PREX1: variants seen among roughly 807,000 people sequenced by gnomAD.
The protein encoded by PREX1 is phosphatidylinositol 3,4,5-trisphosphate-dependent Rac exchanger 1 protein.
PREX1 carries 41 observed loss-of-function variants against 198.3 expected under a neutral mutation model. The ratio of observed to expected loss-of-function variants is 0.21; its 90% CI spans 0.16 to 0.27. The LOEUF (loss-of-function observed/expected upper bound fraction) is 0.27, where lower values mean the gene tolerates loss of function less well. PREX1 is among the 10% of genes least tolerant of loss of function. PREX1 has a pLI of 1.00. For synonymous variants in PREX1, 843 were observed against 887.2 expected (o/e 0.95, Z 0.89); for missense variants, 1,620 against 2,200.7 (o/e 0.74, Z 5.28).
At chr20:48,700,728 C>T (rs771479716) in intron 7 of PREX1, 25 bp downstream of exon 7, 3 of 1,611,882 alleles carry the variant, frequency 1.9e-6, no homozygotes, top group South Asian at 2.2e-5. Flanking sequence ...AGGCCAGACC[C>T]CATCCCAGCC....
chr20:48,801,151 T>C (rs1368736286), intron 1 of PREX1, among the ~76,000 whole-genome samples: 1 of 152,216 alleles, frequency 6.6e-6, no homozygotes, highest in Non-Finnish European at 1.5e-5. Context: ...GTCTAGCTCG[T>C]GTGAAGAACC....
intron 33 of PREX1, among the ~76,000 whole-genome samples, chr20:48,634,250 G>A (rs1417182544): frequency 1.3e-5 from 2 of 151,918 alleles, no homozygotes; most frequent in African/African-American, 2.4e-5. Flanking sequence ...TAGACACAGA[G>A]AGAAAGACAG....
rs1186288507 is a variant in PREX1, at chr20:48,650,898, T to C, written c.2813A>G (p.Gln938Arg). 1 of 1,614,164 alleles carries C rather than the reference T, an allele frequency of 6.2e-7. No homozygotes were observed. Among genetic ancestry groups the C allele is most frequent in the South Asian group, 1.1e-5 (1 of 91,086 alleles). The change falls in exon 23 of 40, where the codon CAG (glutamine) becomes CGG (arginine). Residue 938 changes from glutamine to arginine, a missense_variant. Transcript: ENST00000371941. Reference sequence around the variant, plus strand: ...CCGGAGGGAGCACGCAGGCACCTCCTGGTAGCAGGCAATCCTCTGGCCAAT... The same window carrying C: ...CCGGAGGGAGCACGCAGGCACCTCCCGGTAGCAGGCAATCCTCTGGCCAAT... ...ESIGQRIACY[Q>R]EFAAQLKSRV...
chr20:48,683,004 G>C (rs1331028568), intron 10 of PREX1, among the ~76,000 whole-genome samples: 1 of 152,188 alleles, frequency 6.6e-6, no homozygotes, highest in Non-Finnish European at 1.5e-5. Context: ...AGAATGCCCT[G>C]GCTGGAGGCA....
At chr20:48,637,779 G>T (rs1419504164) in intron 30 of PREX1, 27 bp from the exon 31 acceptor site, 3 of 1,601,276 alleles carry the variant, frequency 1.9e-6, no homozygotes, top group Non-Finnish European at 2.6e-6. Flanking sequence ...GACAGAAAGG[G>T]GGACGGGCTG....
chr20:48,715,604 T>C (rs2089958543), intron 5 of PREX1, among the ~76,000 whole-genome samples: 1 of 152,156 alleles, frequency 6.6e-6, no homozygotes, highest in Non-Finnish European at 1.5e-5. Context: ...ACTCACCCCC[T>C]AAGGCTAATG....
intron 1 of PREX1, among the ~76,000 whole-genome samples, chr20:48,786,434 C>G (rs6125470): frequency 3.3e-5 from 5 of 151,324 alleles, no homozygotes; most frequent in South Asian, 2.1e-4. Context: ...GGCGGGGAAA[C>G]GGGATAGGGT....
chr20:48,765,795 C>T (rs576660063), intron 1 of PREX1, among the ~76,000 whole-genome samples: 32 of 152,306 alleles, frequency 2.1e-4, no homozygotes, highest in East Asian at 1.2e-3. Context: ...CCTAAATCAG[C>T]GTCCCCAATC....
upstream of PREX1, among the ~76,000 whole-genome samples, chr20:48,828,382 C>G (rs905557284): frequency 6.6e-6 from 1 of 152,136 alleles, no homozygotes; most frequent in African/African-American, 2.4e-5. Flanking sequence ...CGACACCCGC[C>G]GCGCGCAGGC....
chr20:48,708,215 C>G (rs1009961200), intron 6 of PREX1, 45 bp downstream of exon 6: 10 of 1,602,700 alleles, frequency 6.2e-6, no homozygotes, highest in Non-Finnish European at 8.5e-6. Flanking sequence ...TGTGCACCTC[C>G]TGGCCCCCTG....
intron 25 of PREX1, 131 bp downstream of exon 25, chr20:48,649,169 G>A: frequency 7.6e-7 from 1 of 1,308,698 alleles, no homozygotes; most frequent in Non-Finnish European, 1.0e-6. Flanking sequence ...AAAAGATACT[G>A]CTAAATAGCC....
chr20:48,883,397 G>A, the PREX1 span, among the ~76,000 whole-genome samples: 5,351 of 152,124 alleles, frequency 0.035, 177 homozygotes, highest in African/African-American at 0.079. Context: ...GGACATTCTA[G>A]CCAGGGCAAT....
chr20:48,805,903 G>A (rs539337513), intron 1 of PREX1, among the ~76,000 whole-genome samples: 2 of 152,198 alleles, frequency 1.3e-5, no homozygotes, highest in African/African-American at 4.8e-5. Flanking sequence ...GGCAAATACA[G>A]AAACACTTCC....
intron 4 of PREX1, among the ~76,000 whole-genome samples, chr20:48,729,941 T>C (rs1212787704): frequency 6.6e-6 from 1 of 152,082 alleles, no homozygotes; most frequent in Non-Finnish European, 1.5e-5. Context: ...CATGTCCTTA[T>C]GAGGGGAGAA....
At chr20:48,680,412 C>G (rs2089741946) in intron 11 of PREX1, among the ~76,000 whole-genome samples, 1 of 152,176 alleles carries the variant, frequency 6.6e-6, no homozygotes, top group African/African-American at 2.4e-5. Flanking sequence ...GGTCTTTCCT[C>G]TACGCAGAGC....
chr20:48,664,874 G>A (rs201267955), intron 15 of PREX1, among the ~76,000 whole-genome samples: 4 of 132,898 alleles, frequency 3.0e-5, no homozygotes, highest in Admixed American at 7.8e-5. Flanking sequence ...TCTAATCCCG[G>A]CTCCAGACGG....
At chr20:48,870,950 CAAAAAAAAAAAA>C in the PREX1 span, among the ~76,000 whole-genome samples, 1 of 594 alleles carries the variant, frequency 1.7e-3, no homozygotes, top group Non-Finnish European at 2.2e-3. Flanking sequence ...GACTCCATCT[CAAAAAAAAAAAA>C]AAAAAAAAAA....
intron 5 of PREX1, among the ~76,000 whole-genome samples, chr20:48,715,355 GT>G (rs1466761626): frequency 6.6e-6 from 1 of 152,196 alleles, no homozygotes; most frequent in African/African-American, 2.4e-5. Flanking sequence ...ACCTTGTAAG[GT>G]AGTAAGTTCC....
chr20:48,651,883 A>G (rs908974166), intron 21 of PREX1, among the ~76,000 whole-genome samples: 1 of 152,230 alleles, frequency 6.6e-6, no homozygotes, highest in African/African-American at 2.4e-5. Flanking sequence ...AAGTCAGAAC[A>G]GGGAGAGCCA....
Sources: allele counts gnomAD v4.1 joint callset (sites outside exome capture counted in the v4.1 genomes callset), GRCh38; gene constraint gnomAD v4.1.1; transcripts MANE v1.5; gene names NCBI Gene and HGNC (gene_info 2026-07-23, HGNC 2026-07-21).